Variants in EIF5 observed in about 807,000 individuals in gnomAD.
EIF5 encodes eukaryotic translation initiation factor 5.
Under a neutral mutation model 48.3 loss-of-function variants are expected in EIF5, and 10 were observed. That is an observed-to-expected ratio of 0.21 (90% CI 0.13 to 0.35). The LOEUF (loss-of-function observed/expected upper bound fraction) is 0.35, where lower values mean the gene tolerates loss of function less well. EIF5 is among the 10% of genes least tolerant of loss of function. The pLI is 1.00. For synonymous variants in EIF5, 237 were observed against 173.1 expected (o/e 1.37, Z -2.90); for missense variants, 397 against 533.2 (o/e 0.74, Z 2.51).
chr14:103,338,144 T>A (rs977685036), intron 6 of EIF5, 183 bp from the exon 7 acceptor site: 1 of 845,656 alleles, frequency 1.2e-6, no homozygotes, highest in Non-Finnish European at 1.9e-6. Flanking sequence ...TAGACTAACA[T>A]TCTTACGTAT....
chr14:103,338,228 A>T, intron 6 of EIF5, 99 bp from the exon 7 acceptor site: 1 of 1,514,920 alleles, frequency 6.6e-7, no homozygotes, highest in Admixed American at 2.1e-5. Context: ...TTCTGAGGGG[A>T]TCCATAGGAA....
chr14:103,339,575 G>A (rs2089328871), intron 9 of EIF5, 64 bp from the exon 10 acceptor site: 3 of 1,604,640 alleles, frequency 1.9e-6, no homozygotes, highest in South Asian at 2.2e-5. Context: ...TCTTATTTGG[G>A]TAATAGAGTT....
intron 2 of EIF5, chr14:103,335,170 G>C (rs558950167): frequency 7.9e-5 from 12 of 152,474 alleles, no homozygotes; most frequent in African/African-American, 2.9e-4. Context: ...TGCGTTTAAG[G>C]AAGTGCTGCT....
At chr14:103,338,569 G>A in intron 7 of EIF5, 97 bp downstream of exon 7, 5 of 1,498,944 alleles carry the variant, frequency 3.3e-6, no homozygotes, top group African/African-American at 1.4e-5. Context: ...AGCCTTCAGT[G>A]TGTAATACAC....
rs777863630 is a variant in EIF5, at chr14:103,335,836, T to C, written c.-25T>C. The C allele has an allele frequency of 1.2e-5, 19 of 1,613,470 alleles. No homozygotes were observed. In the East Asian group the frequency reaches 2.7e-4, roughly 23 times the overall value. ...TGCAATCAAAGATCTCTTCATCTTA[T>C]TGATAAAGCCACTAATAAGCCAAAA... On this transcript the variant is annotated 5_prime_UTR_variant, in exon 3 of 12. Transcript: ENST00000216554.
chr14:103,335,732 T>C lies in EIF5; in HGVS notation c.-129T>C. On this transcript the variant is annotated 5_prime_UTR_variant, in exon 3 of 12. Transcript: ENST00000216554. Reference sequence around the variant, plus strand: ...AAGCTTACAGCCTCAGTGGCGAAAATTTTTTCATGTCAGAGACCGAGAACT... The same window carrying C: ...AAGCTTACAGCCTCAGTGGCGAAAACTTTTTCATGTCAGAGACCGAGAACT... 1 of 1,109,742 alleles carries C rather than the reference T, an allele frequency of 9.0e-7. No individual in the cohort carries two copies. The highest frequency in any genetic ancestry group is 1.3e-6 in the Non-Finnish European group (1 of 755,320). The allele number at this position is 1,109,742 out of a possible 1,614,324, so 68.7% of individuals were successfully genotyped here.
chr14:103,340,348 G>A, intron 10 of EIF5, 79 bp from the exon 11 acceptor site: 3 of 1,489,090 alleles, frequency 2.0e-6, no homozygotes, highest in Non-Finnish European at 2.8e-6. Flanking sequence ...AGTCCCCTCA[G>A]CTCAGTAAGG....
chr14:103,340,160 TATTGAGACGGC>T (rs1372180746), intron 10 of EIF5, among the ~76,000 whole-genome samples: 1 of 152,188 alleles, frequency 6.6e-6, no homozygotes, highest in Non-Finnish European at 1.5e-5. Flanking sequence ...CGTTCACAAG[TATTGAGACGGC>T]TTTGAGATGA....
At chr14:103,338,671 A>G in intron 7 of EIF5, 64 bp from the exon 8 acceptor site, 1 of 1,572,804 alleles carries the variant, frequency 6.4e-7, no homozygotes, top group Non-Finnish European at 8.6e-7. Flanking sequence ...AACTTGGCAA[A>G]ATCTGAACCT....
At chr14:103,340,720 TAGAA>T (rs35167063) in intron 11 of EIF5, among the ~76,000 whole-genome samples, 159 bp downstream of exon 11, 2,524 of 152,214 alleles carry the variant, frequency 0.017, 28 homozygotes, top group East Asian at 0.029. Flanking sequence ...TGGAAAATAA[TAGAA>T]AGGGTGATGG....
At chr14:103,340,293 C>T (rs545968076) in intron 10 of EIF5, 134 bp from the exon 11 acceptor site, 1 of 922,208 alleles carries the variant, frequency 1.1e-6, no homozygotes, top group Non-Finnish European at 1.7e-6. Context: ...AACGTGTTCA[C>T]TGAGTACATT....
At position 103,341,991 on chromosome 14, in the gene EIF5, C is replaced by T. The variant is rs1310864201; in HGVS notation, c.*939C>T. 2.0e-5 allele frequency: 3 copies of T among 152,560 alleles called. No homozygotes were observed. The highest frequency in any genetic ancestry group is 2.1e-4 in the South Asian group (1 of 4,830). 9.5% of individuals were successfully genotyped at this position (152,560 alleles called of 1,614,324 possible). ...AAATGTTAGACATACTGTATTTTTT[C>T]GTTCAGTGTGGCTTTAATTTTCCCC... On this transcript the variant is annotated 3_prime_UTR_variant, in exon 12 of 12. Transcript: ENST00000216554.
At chr14:103,336,882 C>A in intron 5 of EIF5, 33 bp downstream of exon 5, 14 of 1,589,208 alleles carry the variant, frequency 8.8e-6, no homozygotes, top group Non-Finnish European at 1.2e-5. Flanking sequence ...AAAGAAAAAG[C>A]CATATACCTG....
In EIF5 at chr14:103,338,312, C is replaced by T. The variant is rs760766467; in HGVS notation, c.440-15C>T. On this transcript the variant is annotated splice_polypyrimidine_tract_variant and intron_variant, in intron 6 of 11. Coordinates refer to ENST00000216554, the MANE Select transcript of EIF5 (RefSeq NM_001969.5). ...AGTTATGGGGTTAAATTTTTATTTC[C>T]CTTTTTTTCTGTAGAGAATAGTGAC... 2 of 1,607,898 alleles carry T rather than the reference C, an allele frequency of 1.2e-6. No homozygotes were observed. The highest frequency in any genetic ancestry group is 1.1e-5 in the South Asian group (1 of 90,486).
intron 10 of EIF5, 60 bp downstream of exon 10, chr14:103,339,863 GTTGA>G (rs2089332752): frequency 1.9e-6 from 3 of 1,551,390 alleles, no homozygotes; most frequent in Non-Finnish European, 2.6e-6. Context: ...TTTTTGTTTG[GTTGA>G]TTGTTTTTGG....
intron 10 of EIF5, among the ~76,000 whole-genome samples, chr14:103,340,106 C>G (rs985831077): frequency 1.3e-5 from 2 of 152,296 alleles, no homozygotes; most frequent in Admixed American, 1.3e-4. Flanking sequence ...ATCCACTGGC[C>G]TCCCAAAGTG....
intron 9 of EIF5, 87 bp from the exon 10 acceptor site, chr14:103,339,552 C>G (rs544139996): frequency 3.1e-5 from 49 of 1,576,854 alleles, no homozygotes; most frequent in Non-Finnish European, 4.1e-5. Context: ...ATGGGCCATG[C>G]ACTTGCAGAC....
intron 9 of EIF5, 124 bp from the exon 10 acceptor site, chr14:103,339,515 G>T (rs2140361700): frequency 2.7e-6 from 4 of 1,461,330 alleles, no homozygotes; most frequent in Non-Finnish European, 3.8e-6. Flanking sequence ...GGATGTTTAT[G>T]CATTGACCTT....
chr14:103,339,709 A>C lies in EIF5; in HGVS notation c.977A>C (p.Gln326Pro). Residue 326 changes from glutamine to proline, a missense_variant, in exon 10 of 12, where the codon CAA becomes CCA. Coordinates refer to ENST00000216554, the MANE Select transcript of EIF5 (RefSeq NM_001969.5). ...TTGGAGTGTGTGGTAGCAATGCATC[A>C]AGCTCAGCTTATCTCCAAGATTCCA... ...HGLECVVAMHQAQLISKIPHI... is the reference protein window; with the variant it reads ...HGLECVVAMHPAQLISKIPHI... 1 of 1,614,226 alleles carries C rather than the reference A, an allele frequency of 6.2e-7. No individual in the cohort carries two copies. The highest frequency in any genetic ancestry group is 8.5e-7 in the Non-Finnish European group (1 of 1,180,040).
Sources: allele counts gnomAD v4.1 joint callset (sites outside exome capture counted in the v4.1 genomes callset), GRCh38; gene constraint gnomAD v4.1.1; transcripts MANE v1.5; gene names NCBI Gene and HGNC (gene_info 2026-07-23, HGNC 2026-07-21).